The following MAP4 variants were observed in gnomAD, a reference collection of about 807,000 sequenced individuals.
MAP4 encodes microtubule associated protein 4, also known as microtubule-associated protein 4.
MAP4 carries 76 observed loss-of-function variants against 170.2 expected under a neutral mutation model. That is an observed-to-expected ratio of 0.45 (90% CI 0.37 to 0.54). MAP4 has a LOEUF of 0.54. MAP4 is among the 20% of genes least tolerant of loss of function. MAP4 has a pLI of 0.00. For missense variants in MAP4, 2,506 were observed against 2,748.0 expected (o/e 0.91, Z 1.97); for synonymous variants, 909 against 994.5 (o/e 0.91, Z 1.62).
chr3:47,856,837 T>TGC (rs2057376445), intron 18 of MAP4, among the ~76,000 whole-genome samples: 1 of 152,206 alleles, frequency 6.6e-6, no homozygotes. Context: ...TACTCACAAA[T>TGC]CTGCTGTAGA....
intron 1 of MAP4, among the ~76,000 whole-genome samples, chr3:48,027,203 A>G (rs1272313333): frequency 1.3e-5 from 2 of 152,234 alleles, no homozygotes; most frequent in Non-Finnish European, 2.9e-5. Context: ...AAATACATGT[A>G]TGAACATGTA....
At chr3:47,873,332 G>A (rs958843447) in intron 12 of MAP4, among the ~76,000 whole-genome samples, 11 of 152,150 alleles carry the variant, frequency 7.2e-5, no homozygotes, top group Admixed American at 5.9e-4. Context: ...TGGTTTCTAC[G>A]GGGATAGGGG....
At chr3:48,052,260 C>T (rs2100128324) in intron 1 of MAP4, among the ~76,000 whole-genome samples, 1 of 152,148 alleles carries the variant, frequency 6.6e-6, no homozygotes, top group African/African-American at 2.4e-5. Context: ...CTCGCTCTGT[C>T]GCCCAGGCTG....
chr3:48,064,842 A>G lies in MAP4; in HGVS notation c.-20+23931T>C, dbSNP rs533833551. ...GAATACTGCAGGCAGTTGTAACACAATGGTAAGCATCTGTGTATCTAAACA... is the reference window on the plus strand; with the variant it reads ...GAATACTGCAGGCAGTTGTAACACAGTGGTAAGCATCTGTGTATCTAAACA... On this transcript the variant is annotated intron_variant, in intron 1 of 18. Coordinates refer to the MAP4 transcript ENST00000360240. Among the ~76,000 whole-genome samples the G allele has an allele frequency of 2.6e-5, 4 of 152,300 alleles. No individual in the cohort carries two copies. In the South Asian group the frequency reaches 8.3e-4, roughly 32 times the overall value.
chr3:48,052,787 G>A (rs1037135721), intron 1 of MAP4, among the ~76,000 whole-genome samples: 3 of 152,154 alleles, frequency 2.0e-5, no homozygotes, highest in Admixed American at 6.5e-5. Context: ...AGACAGTGAT[G>A]AACATCTCAA....
At position 47,853,281 on chromosome 3, in the gene MAP4, C is replaced by T. The variant is rs1367370652; in HGVS notation, c.6768G>A (p.Glu2256=). The T allele has an allele frequency of 1.9e-6, 3 of 1,609,656 alleles. No homozygotes were observed. The highest frequency in any genetic ancestry group is 8.5e-7 in the Non-Finnish European group (1 of 1,178,338). Reference sequence around the variant, plus strand: ...TGGGGGCGCCAGCTTCAGGCGCTGCCTCAGAGATGGCCGGCTCCTCCCCAG... The same window carrying T: ...TGGGGGCGCCAGCTTCAGGCGCTGCTTCAGAGATGGCCGGCTCCTCCCCAG... The part of the protein sequence containing the change: ...PPAGEEPAIS[E]AAPEAGAPTS... The change falls in exon 20 of 21, where the codon GAG becomes GAA. Residue 2256 remains glutamate, a synonymous_variant. Transcript: ENST00000683076.
At chr3:47,853,087 C>T in intron 20 of MAP4, 76 bp downstream of exon 20, 1 of 1,614,038 alleles carries the variant, frequency 6.2e-7, no homozygotes, top group Non-Finnish European at 8.5e-7. Context: ...ACACTCTAGT[C>T]AAAAACAAAG....
At chr3:47,937,088 C>A (rs2100053412) in intron 3 of MAP4, among the ~76,000 whole-genome samples, 1 of 151,260 alleles carries the variant, frequency 6.6e-6, no homozygotes, top group Admixed American at 6.6e-5. Flanking sequence ...GTTAGAGCTA[C>A]ACTACTCATC....
chr3:47,877,386 A>C, intron 11 of MAP4, 31 bp downstream of exon 11: 1 of 1,489,220 alleles, frequency 6.7e-7, no homozygotes. Flanking sequence ...AAATTATGGC[A>C]GTAGAAGATA....
chr3:47,859,461 T>C (rs1262923765), intron 17 of MAP4, among the ~76,000 whole-genome samples: 1 of 152,228 alleles, frequency 6.6e-6, no homozygotes, highest in Non-Finnish European at 1.5e-5. Flanking sequence ...ACAGAATAAC[T>C]ACCCACAATC....
chr3:48,008,508 T>C (rs1477804546), intron 1 of MAP4, among the ~76,000 whole-genome samples: 1 of 152,220 alleles, frequency 6.6e-6, no homozygotes, highest in Non-Finnish European at 1.5e-5. Context: ...TGTGATTATA[T>C]ACTCATTCAT....
Position 47,873,660 on chromosome 3 carries a change from A to G in MAP4, c.5758-1560T>C, listed in dbSNP as rs191867942. The stretch of plus-strand genomic sequence containing the variant: ...TTCTGCTACCAGCTCTGCTGGAAAC[A>G]TGTAGGATTTTGGCCAGAGGATTCC... On this transcript the variant is annotated intron_variant, in intron 12 of 20. Transcript: ENST00000683076. Among the ~76,000 whole-genome samples, 614 of 152,362 alleles carry G rather than the reference A, an allele frequency of 4.0e-3. 5 individuals carry two copies. The highest frequency in any genetic ancestry group is 0.014 in the African/African-American group (591 of 41,586).
chr3:47,857,280 T>C, intron 18 of MAP4, 151 bp downstream of exon 18: 1 of 655,054 alleles, frequency 1.5e-6, no homozygotes, highest in Non-Finnish European at 2.7e-6. Context: ...TCCTGCTCCC[T>C]GACAGAATGA....
In MAP4 at chr3:47,916,034, T is replaced by C. The variant is rs778975314; in HGVS notation, c.1793A>G (p.Gln598Arg). The C allele has an allele frequency of 1.2e-6, 2 of 1,614,122 alleles. No individual in the cohort carries two copies. Among genetic ancestry groups the C allele is most frequent in the African/African-American group, 2.7e-5 (2 of 74,948 alleles). ...ATGGGAATCCTCACTTATTCCTTTT[T>C]GTGTTTGTGCAATTTCCATGTCTTT... is the stretch of plus-strand genomic sequence containing the variant. The part of the protein sequence containing the change: ...PIKDMEIAQT[Q>R]KGISEDSHLE... The change falls in exon 7 of 21, where the codon CAA becomes CGA. Residue 598 changes from glutamine to arginine, a missense_variant. By Grantham distance (43) the Gln-to-Arg change is conservative (BLOSUM62 1). Coordinates refer to ENST00000683076, the MANE Select transcript of MAP4 (RefSeq NM_001385682.1).
intron 1 of MAP4, among the ~76,000 whole-genome samples, chr3:48,066,307 A>G (rs1579748038): frequency 6.6e-6 from 1 of 152,138 alleles, no homozygotes; most frequent in East Asian, 1.9e-4. Flanking sequence ...GAAACTCACT[A>G]TCTTATAAGA....
chr3:47,892,045 C>T (rs2153069738), intron 10 of MAP4: 1 of 1,536,230 alleles, frequency 6.5e-7, no homozygotes, highest in South Asian at 1.2e-5. Context: ...TCTTCCCTGC[C>T]ACCTTCCCCT....
intron 4 of MAP4, among the ~76,000 whole-genome samples, chr3:47,927,566 C>G (rs1310003613): frequency 1.3e-5 from 2 of 152,140 alleles, no homozygotes; most frequent in Non-Finnish European, 1.5e-5. Context: ...ACCTCCGCCT[C>G]GCAGGTTCAA....
At chr3:48,056,821 G>A (rs1237096643) in intron 1 of MAP4, among the ~76,000 whole-genome samples, 2 of 86,016 alleles carry the variant, frequency 2.3e-5, no homozygotes, top group African/African-American at 1.1e-4. Flanking sequence ...CCGGCCAGCC[G>A]ACCCGTCCGG....
chr3:47,961,852 A>G (rs2100071733), intron 3 of MAP4, among the ~76,000 whole-genome samples: 1 of 152,126 alleles, frequency 6.6e-6, no homozygotes, highest in Non-Finnish European at 1.5e-5. Context: ...CTTGCTGGTG[A>G]TGCCGCAGCA....
Sources: gnomAD v4.1 joint callset for allele counts (sites outside exome capture counted in the v4.1 genomes callset) on GRCh38, gnomAD v4.1.1 for gene constraint, MANE v1.5 for transcripts, NCBI Gene and HGNC (gene_info 2026-07-23, HGNC 2026-07-21) for gene names.